OR1L8: variants seen among roughly 807,000 people sequenced by gnomAD.
OR1L8 encodes the protein olfactory receptor 1L8.
For missense variants in OR1L8, 330 were observed against 377.4 expected (o/e 0.87, Z 1.04); for synonymous variants, 148 against 147.0 (o/e 1.01, Z -0.05).
chr9:122,547,865 A>G, the OR1L8 span, among the ~76,000 whole-genome samples: 1 of 152,174 alleles, frequency 6.6e-6, no homozygotes, highest in Non-Finnish European at 1.5e-5. Context: ...TTGAGAAATC[A>G]TACTGTTTTC....
chr9:122,555,430 T>C, the OR1L8 span, among the ~76,000 whole-genome samples: 2 of 152,174 alleles, frequency 1.3e-5, no homozygotes, highest in Non-Finnish European at 2.9e-5. Context: ...GACTTGGCCC[T>C]GACCATAGCA....
Position 122,567,566 on chromosome 9 carries a change from A to G in OR1L8, c.912T>C (p.Leu304=), listed in dbSNP as rs748854529. ...GTGCTTCCTAGGATCTCTTGCTCAT[A>G]AGCTTCCTCAGGCCCTGTTTCAGGT... ...NKDLKQGLRK[L]MSKRS is the part of the protein sequence containing the mutation. Residue 304 remains leucine, a synonymous_variant, in exon 5 of 5, where the codon CTT becomes CTC. Coordinates refer to ENST00000641027, the MANE Select transcript of OR1L8 (RefSeq NM_001004454.2). 1 of 1,585,308 alleles carries G rather than the reference A, an allele frequency of 6.3e-7. No individual in the cohort carries two copies. The highest frequency in any genetic ancestry group is 8.6e-7 in the Non-Finnish European group (1 of 1,168,884).
At chr9:122,578,878 G>A (rs888414155) in intron 1 of OR1L8, among the ~76,000 whole-genome samples, 5 of 151,962 alleles carry the variant, frequency 3.3e-5, no homozygotes, top group Admixed American at 6.6e-5. Context: ...GCACCAAAAT[G>A]TCAGAAATCA....
At chr9:122,564,083 G>T (rs925562016), downstream of OR1L8, among the ~76,000 whole-genome samples, 1 of 152,150 alleles carries the variant, frequency 6.6e-6, no homozygotes, top group Non-Finnish European at 1.5e-5. Flanking sequence ...TGGGAAAAGG[G>T]AAATGATCTG....
intron 1 of OR1L8, among the ~76,000 whole-genome samples, chr9:122,580,370 G>A (rs949092644): frequency 2.6e-5 from 4 of 152,084 alleles, no homozygotes; most frequent in African/African-American, 4.8e-5. Context: ...ACTAGAATGC[G>A]GTCAGAATGA....
chr9:122,568,670 T>C lies in OR1L8; in HGVS notation c.-193A>G, dbSNP rs913047913. On this transcript the variant is annotated 5_prime_UTR_variant, in exon 5 of 5. The change abolishes an upstream ATG in the 5' untranslated region. Coordinates refer to ENST00000641027, the MANE Select transcript of OR1L8 (RefSeq NM_001004454.2). ...TCCCTTCCCAAATCTATGGGCTCCA[T>C]AAGGGCATTATATTGAAATCTGGAG... 7 of 518,934 alleles carry C rather than the reference T, an allele frequency of 1.3e-5. No individual in the cohort carries two copies. The highest frequency in any genetic ancestry group is 1.2e-4 in the East Asian group (4 of 32,832). The allele number at this position is 518,934 out of a possible 1,614,324, so 32.1% of individuals were successfully genotyped here.
chr9:122,547,478 C>T, the OR1L8 span, among the ~76,000 whole-genome samples: 5 of 152,050 alleles, frequency 3.3e-5, no homozygotes, highest in Admixed American at 3.3e-4. Flanking sequence ...TAACTATCAC[C>T]AGAATATGGT....
chr9:122,547,466 T>G, the OR1L8 span, among the ~76,000 whole-genome samples: 1 of 152,206 alleles, frequency 6.6e-6, no homozygotes, highest in Non-Finnish European at 1.5e-5. Context: ...GGGCTTTTAG[T>G]GTAACTATCA....
At chr9:122,559,189 A>G in the OR1L8 span, among the ~76,000 whole-genome samples, 1 of 152,034 alleles carries the variant, frequency 6.6e-6, no homozygotes, top group Non-Finnish European at 1.5e-5. Context: ...TGACTAACCT[A>G]TCCCTGTTCC....
chr9:122,551,745 C>T, the OR1L8 span, among the ~76,000 whole-genome samples: 45,691 of 151,854 alleles, frequency 0.3, 7,398 homozygotes, highest in East Asian at 0.54. Context: ...ACAATGACAC[C>T]GAGGTCGACC....
chr9:122,564,517 G>A (rs1231620950), downstream of OR1L8, among the ~76,000 whole-genome samples: 1 of 152,182 alleles, frequency 6.6e-6, no homozygotes, highest in African/African-American at 2.4e-5. Flanking sequence ...AGAGATTCGT[G>A]CCACCATCAA....
intron 3 of OR1L8, 75 bp from the exon 4 acceptor site, chr9:122,572,983 C>T (rs569510524): frequency 1.2e-4 from 18 of 152,372 alleles, no homozygotes; most frequent in African/African-American, 3.4e-4. Context: ...ACCTTAACTC[C>T]CTGTTTCCTT....
the OR1L8 span, among the ~76,000 whole-genome samples, chr9:122,561,177 C>T: frequency 0.27 from 41,431 of 152,070 alleles, 5,820 homozygotes; most frequent in Middle Eastern, 0.34. Flanking sequence ...TCAGCTCCAT[C>T]ACATCATTTA....
At chr9:122,581,438 G>A (rs1829737573) in intron 1 of OR1L8, among the ~76,000 whole-genome samples, 1 of 152,004 alleles carries the variant, frequency 6.6e-6, no homozygotes, top group Non-Finnish European at 1.5e-5. Flanking sequence ...TAGGTAAAAA[G>A]GTAGGTCATT....
the OR1L8 span, among the ~76,000 whole-genome samples, chr9:122,550,440 C>T: frequency 6.6e-6 from 1 of 151,972 alleles, no homozygotes; most frequent in African/African-American, 2.4e-5. Context: ...GATAAGGACA[C>T]ACAAAAAAGA....
chr9:122,573,324 C>G (rs529983437), intron 3 of OR1L8, among the ~76,000 whole-genome samples: 1 of 152,382 alleles, frequency 6.6e-6, no homozygotes, highest in African/African-American at 2.4e-5. Context: ...TTCTTAACTT[C>G]ACTGCAATAT....
At chr9:122,546,980 T>C in the OR1L8 span, among the ~76,000 whole-genome samples, 1 of 152,142 alleles carries the variant, frequency 6.6e-6, no homozygotes, top group African/African-American at 2.4e-5. Flanking sequence ...TTCTAGCTAC[T>C]TGAAACTATG....
In OR1L8 at chr9:122,567,822, TA is replaced by T. The variant is rs779888682; in HGVS notation, c.655del (p.Tyr219IlefsTer31). The T allele has an allele frequency of 1.2e-6, 2 of 1,614,076 alleles. No individual in the cohort carries two copies. Among genetic ancestry groups the T allele is most frequent in the Admixed American group, 3.3e-5 (2 of 60,012 alleles). On this transcript the variant is annotated frameshift_variant, in exon 5 of 5. Transcript: ENST00000641027. LOFTEE classifies it low-confidence loss of function (END_TRUNC). ...VTRFLCIAFS[Y>X]IRILTTVLKI... Reference sequence around the variant, plus strand: ...GAGAACTGTAGTGAGGATTCGTATATAAGAGAAAGCAATGCAGAGAAAACGA... The same window carrying T: ...GAGAACTGTAGTGAGGATTCGTATATAGAGAAAGCAATGCAGAGAAAACGA...
chr9:122,577,005 T>G (rs1829668667), intron 2 of OR1L8, 104 bp from the exon 3 acceptor site: 1 of 152,142 alleles, frequency 6.6e-6, no homozygotes, highest in Non-Finnish European at 1.5e-5. Flanking sequence ...TGGAAGTAAC[T>G]CTGATGTATA....
Sources: allele counts gnomAD v4.1 joint callset (sites outside exome capture counted in the v4.1 genomes callset), GRCh38; gene constraint gnomAD v4.1.1; transcripts MANE v1.5; gene names NCBI Gene and HGNC (gene_info 2026-07-23, HGNC 2026-07-21).